GRAMD4: variants seen among roughly 807,000 people sequenced by gnomAD.
The protein encoded by GRAMD4 is GRAM domain-containing protein 4.
In GRAMD4, 25 loss-of-function variants were observed where a neutral mutation model predicts 83.9. The observed-to-expected ratio is 0.30, with a 90% CI of 0.22 to 0.42. The LOEUF (loss-of-function observed/expected upper bound fraction) is 0.42. Ranked by LOEUF, GRAMD4 falls within the 10% of genes least tolerant of loss-of-function variation. GRAMD4 has a pLI of 1.00. For synonymous variants in GRAMD4, 336 were observed against 320.9 expected, an observed-to-expected ratio of 1.05 and a Z score of -0.50; for missense variants, 593 against 788.7, an observed-to-expected ratio of 0.75 and a Z score of 2.97.
intron 3 of GRAMD4, among the ~76,000 whole-genome samples, chr22:46,642,137 T>C (rs935166298): frequency 2.0e-5 from 3 of 152,224 alleles, no homozygotes; most frequent in African/African-American, 7.2e-5. Flanking sequence ...CTTCTGAGAG[T>C]CCTTCTGACA....
chr22:46,646,189 C>T (rs912410115), intron 3 of GRAMD4, among the ~76,000 whole-genome samples: 3 of 152,216 alleles, frequency 2.0e-5, no homozygotes, highest in Admixed American at 6.5e-5. Flanking sequence ...GGCATGGGTA[C>T]CCTCGTAGCG....
At chr22:46,654,569 C>T (rs1158205425) in intron 3 of GRAMD4, among the ~76,000 whole-genome samples, 1 of 152,180 alleles carries the variant, frequency 6.6e-6, no homozygotes, top group Non-Finnish European at 1.5e-5. Flanking sequence ...GGGTGGAGGT[C>T]CCTGCAGGGG....
intron 1 of GRAMD4, among the ~76,000 whole-genome samples, chr22:46,590,436 C>T (rs13058441): frequency 0.49 from 74,654 of 151,942 alleles, 20,393 homozygotes; most frequent in African/African-American, 0.75. Flanking sequence ...CCACTAACCC[C>T]GAGGGCTGGG....
intron 4 of GRAMD4, among the ~76,000 whole-genome samples, chr22:46,660,743 T>C (rs889443807): frequency 6.6e-6 from 1 of 152,126 alleles, no homozygotes; most frequent in Non-Finnish European, 1.5e-5. Context: ...CGCCCTCTGT[T>C]CTCTTCTCAG....
chr22:46,592,802 G>T (rs535033627), intron 1 of GRAMD4, among the ~76,000 whole-genome samples: 1 of 152,288 alleles, frequency 6.6e-6, no homozygotes, highest in East Asian at 1.9e-4. Flanking sequence ...CTGGCTGCCT[G>T]CCTTGCTTTC....
chr22:46,597,377 A>T (rs2081271609), intron 1 of GRAMD4, among the ~76,000 whole-genome samples: 1 of 152,192 alleles, frequency 6.6e-6, no homozygotes, highest in Non-Finnish European at 1.5e-5. Flanking sequence ...GGTGAGTTGG[A>T]ATCTTCTTTA....
intron 1 of GRAMD4, among the ~76,000 whole-genome samples, chr22:46,578,372 G>C (rs1391220028): frequency 6.6e-6 from 1 of 152,146 alleles, no homozygotes; most frequent in Non-Finnish European, 1.5e-5. Flanking sequence ...TCTGGGACTT[G>C]CCTCCCTCAC....
intron 1 of GRAMD4, among the ~76,000 whole-genome samples, chr22:46,581,525 T>C (rs904644961): frequency 6.6e-6 from 1 of 152,228 alleles, no homozygotes; most frequent in African/African-American, 2.4e-5. Flanking sequence ...AGGGGGGTTT[T>C]GTGAGAGAAA....
chr22:46,601,309 A>G (rs1367810046), intron 1 of GRAMD4, among the ~76,000 whole-genome samples: 2 of 151,990 alleles, frequency 1.3e-5, no homozygotes, highest in African/African-American at 4.8e-5. Flanking sequence ...TGGGAAAGGC[A>G]AGCAGCATTT....
chr22:46,602,902 C>T (rs1231946522), intron 1 of GRAMD4, among the ~76,000 whole-genome samples: 1 of 151,826 alleles, frequency 6.6e-6, no homozygotes, highest in African/African-American at 2.4e-5. Context: ...GCCACCACGC[C>T]TGGCTACTTT....
intron 17 of GRAMD4, 81 bp downstream of exon 17, chr22:46,675,633 C>A: frequency 1.1e-6 from 1 of 928,562 alleles, no homozygotes; most frequent in Non-Finnish European, 1.8e-6. Context: ...TCCCTATAGA[C>A]TTCTGCCAGC....
chr22:46,673,129 C>T (rs116484910), intron 14 of GRAMD4, 132 bp downstream of exon 14: 1 of 771,718 alleles, frequency 1.3e-6, no homozygotes, highest in Non-Finnish European at 2.0e-6. Context: ...ACTCCTTAAA[C>T]TTGAGGGTTT....
intron 3 of GRAMD4, among the ~76,000 whole-genome samples, chr22:46,654,651 C>A (rs2082216460): frequency 6.6e-6 from 1 of 152,222 alleles, no homozygotes; most frequent in South Asian, 2.1e-4. Flanking sequence ...TGCCTCCACT[C>A]CGTGCACGGC....
intron 1 of GRAMD4, among the ~76,000 whole-genome samples, chr22:46,591,915 ACAGT>A (rs1295646522): frequency 2.9e-5 from 3 of 102,014 alleles, no homozygotes; most frequent in Non-Finnish European, 5.3e-5. Context: ...ATGCCCAGGG[ACAGT>A]CAGAAAGCAT....
At chr22:46,576,808 T>A (rs2147877157), upstream of GRAMD4, among the ~76,000 whole-genome samples, 1 of 147,660 alleles carries the variant, frequency 6.8e-6, no homozygotes, top group African/African-American at 2.5e-5. Context: ...GGTGAGCCCG[T>A]GGCGTCCGCC....
chr22:46,658,559 G>A (rs1450022940), intron 4 of GRAMD4, among the ~76,000 whole-genome samples: 1 of 152,132 alleles, frequency 6.6e-6, no homozygotes, highest in Non-Finnish European at 1.5e-5. Context: ...GTGCACAGGT[G>A]CTCCTGCCAG....
At chr22:46,617,448 C>T (rs1049311739), upstream of GRAMD4, among the ~76,000 whole-genome samples, 1 of 133,872 alleles carries the variant, frequency 7.5e-6, no homozygotes, top group African/African-American at 2.8e-5. Flanking sequence ...AGGTTCCCCC[C>T]ATACGTGTAG....
intron 2 of GRAMD4, among the ~76,000 whole-genome samples, chr22:46,632,882 G>C (rs575891822): frequency 6.6e-6 from 1 of 152,312 alleles, no homozygotes; most frequent in East Asian, 1.9e-4. Context: ...GGTGCTGGGC[G>C]TGGCGGAGTT....
At chr22:46,615,496 TGCGGGTTCCCCTGTGTGTGC>T (rs2081469688), upstream of GRAMD4, among the ~76,000 whole-genome samples, 2 of 147,552 alleles carry the variant, frequency 1.4e-5, no homozygotes, top group South Asian at 2.2e-4. Flanking sequence ...CCCCCGTGTG[TGCGGGTTCCCCTGTGTGTGC>T]AGGTTCCCCT....
Sources: gnomAD v4.1 joint callset for allele counts (sites outside exome capture counted in the v4.1 genomes callset) on GRCh38, gnomAD v4.1.1 for gene constraint, MANE v1.5 for transcripts, NCBI Gene and HGNC (gene_info 2026-07-23, HGNC 2026-07-21) for gene names.